PHF24: variants seen among roughly 807,000 people sequenced by gnomAD.
PHF24 encodes Galpha inhibitory interacting protein.
PHF24 carries 25 observed loss-of-function variants against 42.6 expected under a neutral mutation model. That is an observed-to-expected ratio of 0.59 (90% CI 0.43 to 0.82). The LOEUF is 0.82. Ranked by LOEUF, PHF24 falls within the 40% of genes least tolerant of loss-of-function variation. PHF24 has a pLI of 0.00. For synonymous variants in PHF24, 185 were observed against 204.8 expected (o/e 0.90, Z 0.83); for missense variants, 470 against 538.1 (o/e 0.87, Z 1.25).
chr9:34,677,399 T>G, the PHF24 span, among the ~76,000 whole-genome samples: 1 of 89,310 alleles, frequency 1.1e-5, no homozygotes, highest in Non-Finnish European at 2.8e-5. Flanking sequence ...GTTTTTTTTT[T>G]TTTTTTTTTT....
chr9:34,801,915 G>A, the PHF24 span, among the ~76,000 whole-genome samples: 1 of 151,932 alleles, frequency 6.6e-6, no homozygotes, highest in East Asian at 1.9e-4. Flanking sequence ...GTTGGGGGTG[G>A]GGGGCAAGGG....
chr9:34,843,035 C>A, the PHF24 span, among the ~76,000 whole-genome samples: 1 of 152,132 alleles, frequency 6.6e-6, no homozygotes, highest in Admixed American at 6.5e-5. Context: ...TTTGTACAAA[C>A]ATTTTTCCTA....
chr9:34,721,625 G>A, the PHF24 span, among the ~76,000 whole-genome samples: 1 of 152,080 alleles, frequency 6.6e-6, no homozygotes, highest in Non-Finnish European at 1.5e-5. Context: ...TGGCCAGGCT[G>A]GTCTCGAACT....
At chr9:34,767,119 G>A in the PHF24 span, among the ~76,000 whole-genome samples, 17 of 152,328 alleles carry the variant, frequency 1.1e-4, no homozygotes, top group Non-Finnish European at 2.1e-4. Context: ...CTACTGGGGG[G>A]TGTCTCCCAG....
the PHF24 span, chr9:34,728,702 T>G: frequency 1.3e-6 from 2 of 1,520,158 alleles, no homozygotes; most frequent in East Asian, 4.9e-5. Context: ...ACCATTTTCT[T>G]TCTCATGTCC....
At chr9:34,844,897 C>G in the PHF24 span, among the ~76,000 whole-genome samples, 1 of 152,172 alleles carries the variant, frequency 6.6e-6, no homozygotes, top group Non-Finnish European at 1.5e-5. Context: ...TCTGGATGAT[C>G]TTCCCAACTG....
the PHF24 span, among the ~76,000 whole-genome samples, chr9:34,863,415 CAGAGAGAGAGAGAG>C: frequency 9.0e-3 from 1,318 of 147,044 alleles, 4 homozygotes; most frequent in Non-Finnish European, 0.015. Flanking sequence ...GCTGGCTCAT[CAGAGAGAGAGAGAG>C]AGAGAGAGAG....
chr9:34,895,850 A>G, the PHF24 span: 1 of 396,768 alleles, frequency 2.5e-6, no homozygotes, highest in Non-Finnish European at 4.4e-6. Flanking sequence ...CTGCATCACA[A>G]AGCCCTCCTG....
chr9:34,906,126 G>A, the PHF24 span, among the ~76,000 whole-genome samples: 1 of 152,036 alleles, frequency 6.6e-6, no homozygotes, highest in African/African-American at 2.4e-5. Flanking sequence ...TGAGGGTGTT[G>A]GGGCTGTTAG....
chr9:34,810,817 G>A, the PHF24 span, among the ~76,000 whole-genome samples: 4 of 152,152 alleles, frequency 2.6e-5, no homozygotes, highest in African/African-American at 9.7e-5. Flanking sequence ...TAGCCCAGTT[G>A]CTCCAGGCTG....
exon 7 of PHF24, chr9:34,977,562 C>A: frequency 6.2e-7 from 1 of 1,608,852 alleles, no homozygotes; most frequent in Non-Finnish European, 8.5e-7. Context: ...CCATGTGGGT[C>A]CCATCGCAGA....
chr9:34,761,832 G>C, the PHF24 span, among the ~76,000 whole-genome samples: 1 of 152,086 alleles, frequency 6.6e-6, no homozygotes, highest in Non-Finnish European at 1.5e-5. Flanking sequence ...ATCTCCTAAT[G>C]CTATCCCTCC....
At chr9:34,945,303 A>G in the PHF24 span, among the ~76,000 whole-genome samples, 2 of 152,126 alleles carry the variant, frequency 1.3e-5, no homozygotes, top group African/African-American at 2.4e-5. Flanking sequence ...TAGGTCATCA[A>G]ATGGGAAGAT....
At chr9:34,729,458 A>G in the PHF24 span, 4 of 1,530,620 alleles carry the variant, frequency 2.6e-6, no homozygotes, top group African/African-American at 1.4e-5. Context: ...GAGATCAACC[A>G]TCCCTCTATC....
At chr9:34,736,918 G>T in the PHF24 span, among the ~76,000 whole-genome samples, 2 of 152,106 alleles carry the variant, frequency 1.3e-5, no homozygotes, top group Non-Finnish European at 2.9e-5. Context: ...TTTCAAAAAT[G>T]AGAGAGAGAT....
the PHF24 span, among the ~76,000 whole-genome samples, chr9:34,775,624 T>C: frequency 1.4e-4 from 21 of 152,346 alleles, no homozygotes; most frequent in African/African-American, 5.0e-4. Context: ...TTCTCATTTT[T>C]TCAGTAAATC....
At chr9:34,907,999 C>T in the PHF24 span, among the ~76,000 whole-genome samples, 2 of 152,020 alleles carry the variant, frequency 1.3e-5, no homozygotes, top group African/African-American at 4.8e-5. Flanking sequence ...CCCGCCACCA[C>T]ACCTGGCTAA....
chr9:34,949,067 A>G, the PHF24 span, among the ~76,000 whole-genome samples: 8 of 152,362 alleles, frequency 5.3e-5, no homozygotes, highest in African/African-American at 9.6e-5. Flanking sequence ...ATCCACAAGT[A>G]TACTGGAAGA....
chr9:34,907,081 C>A, the PHF24 span, among the ~76,000 whole-genome samples: 5 of 152,174 alleles, frequency 3.3e-5, no homozygotes, highest in African/African-American at 9.7e-5. Context: ...CCCTCCTTGG[C>A]CTCCCAAAGG....
Sources: allele counts gnomAD v4.1 joint callset (sites outside exome capture counted in the v4.1 genomes callset), GRCh38; gene constraint gnomAD v4.1.1; transcripts MANE v1.5; gene names NCBI Gene and HGNC (gene_info 2026-07-23, HGNC 2026-07-21).